Variants in TRHDE observed in about 807,000 individuals in gnomAD.
TRHDE encodes thyrotropin-releasing hormone-degrading ectoenzyme.
A neutral mutation model predicts 125.7 loss-of-function variants in TRHDE; 72 were observed. That is an observed-to-expected ratio of 0.57 (90% CI 0.47 to 0.70). The LOEUF (loss-of-function observed/expected upper bound fraction) is 0.70, where lower values mean the gene tolerates loss of function less well. Among genes scored for constraint, TRHDE ranks in the 30% least tolerant of loss-of-function variants. The pLI, the probability that TRHDE is intolerant of heterozygous loss-of-function variation, is 0.00. For synonymous variants in TRHDE, 509 were observed against 509.1 expected (o/e 1.00, Z 0.00); for missense variants, 1,110 against 1,327.1 (o/e 0.84, Z 2.54).
chr12:72,354,782 T>A (rs993460040), intron 2 of TRHDE, among the ~76,000 whole-genome samples: 1 of 150,898 alleles, frequency 6.6e-6, no homozygotes, highest in Non-Finnish European at 1.5e-5. Context: ...TCTCTGTGTG[T>A]GTGTATGTGT....
At chr12:72,446,469 G>A (rs1392967748) in intron 3 of TRHDE, among the ~76,000 whole-genome samples, 1 of 151,976 alleles carries the variant, frequency 6.6e-6, no homozygotes, top group Non-Finnish European at 1.5e-5. Context: ...AAAATAACCA[G>A]CCAACATCAT....
chr12:72,482,776 A>T (rs1277047231), intron 5 of TRHDE, among the ~76,000 whole-genome samples: 1 of 151,958 alleles, frequency 6.6e-6, no homozygotes, highest in Non-Finnish European at 1.5e-5. Context: ...CATTAATTAC[A>T]TTCTGTTCCT....
intron 1 of TRHDE, among the ~76,000 whole-genome samples, chr12:72,286,346 C>T (rs137869212): frequency 6.6e-6 from 1 of 152,302 alleles, no homozygotes; most frequent in African/African-American, 2.4e-5. Context: ...AAGTGAAGCA[C>T]ACTGAAAAGG....
chr12:72,616,177 C>A (rs546012345), intron 12 of TRHDE, among the ~76,000 whole-genome samples: 2 of 152,196 alleles, frequency 1.3e-5, no homozygotes, highest in African/African-American at 2.4e-5. Flanking sequence ...TTATTTAGAA[C>A]TTTTATCAGG....
chr12:72,491,327 G>A (rs1877673851), intron 5 of TRHDE, among the ~76,000 whole-genome samples: 1 of 151,806 alleles, frequency 6.6e-6, no homozygotes. Context: ...TACTGTGATT[G>A]ACATTATTTG....
chr12:72,368,882 T>C (rs1871452072), intron 2 of TRHDE, among the ~76,000 whole-genome samples: 1 of 152,148 alleles, frequency 6.6e-6, no homozygotes, highest in African/African-American at 2.4e-5. Context: ...ACCAGTGCTG[T>C]GTTTCCTACC....
intron 3 of TRHDE, among the ~76,000 whole-genome samples, chr12:72,379,479 A>G (rs1473399437): frequency 6.6e-6 from 1 of 152,188 alleles, no homozygotes; most frequent in South Asian, 2.1e-4. Context: ...CCTCATTTGC[A>G]TGGAAGGTGG....
intron 2 of TRHDE, among the ~76,000 whole-genome samples, chr12:72,108,601 T>A (rs1224682618): frequency 6.6e-6 from 1 of 152,064 alleles, no homozygotes; most frequent in African/African-American, 2.4e-5. Context: ...TTATGGTAAT[T>A]TGAATTAGAA....
At chr12:72,242,577 C>T (rs989852312) in intron 2 of TRHDE, among the ~76,000 whole-genome samples, 2 of 152,124 alleles carry the variant, frequency 1.3e-5, no homozygotes, top group African/African-American at 4.8e-5. Context: ...GACTCTCCTG[C>T]TTCTTGAGCG....
chr12:72,246,595 G>A (rs2139384173), intron 2 of TRHDE, among the ~76,000 whole-genome samples: 1 of 152,216 alleles, frequency 6.6e-6, no homozygotes, highest in South Asian at 2.1e-4. Context: ...CAGCTGACTC[G>A]CTTAACATAA....
At chr12:72,136,711 A>T (rs1346696496) in intron 2 of TRHDE, among the ~76,000 whole-genome samples, 1 of 152,230 alleles carries the variant, frequency 6.6e-6, no homozygotes, top group Non-Finnish European at 1.5e-5. Context: ...TTGAAGGGGA[A>T]TATGGAGCTG....
chr12:72,618,019 A>G (rs1191401818), intron 12 of TRHDE, among the ~76,000 whole-genome samples: 3 of 152,178 alleles, frequency 2.0e-5, no homozygotes, highest in Non-Finnish European at 2.9e-5. Flanking sequence ...ACATAGTGTC[A>G]CTATATGCCG....
chr12:72,167,153 G>A (rs1660473531), intron 2 of TRHDE, among the ~76,000 whole-genome samples: 1 of 152,098 alleles, frequency 6.6e-6, no homozygotes. Flanking sequence ...CACTTGTTAG[G>A]TGAGAGAGAA....
intron 3 of TRHDE, among the ~76,000 whole-genome samples, chr12:72,447,591 C>T (rs1875360100): frequency 6.6e-6 from 1 of 151,972 alleles, no homozygotes; most frequent in African/African-American, 2.4e-5. Context: ...TTATGAAACC[C>T]TGATGGTGAC....
intron 15 of TRHDE, among the ~76,000 whole-genome samples, chr12:72,646,484 C>T (rs1434945149): frequency 6.6e-6 from 1 of 151,894 alleles, no homozygotes; most frequent in Non-Finnish European, 1.5e-5. Flanking sequence ...AAATTCTTCC[C>T]TATCAATATT....
chr12:72,320,510 T>G (rs1279211438), intron 2 of TRHDE, among the ~76,000 whole-genome samples: 3 of 150,906 alleles, frequency 2.0e-5, no homozygotes, highest in African/African-American at 7.3e-5. Flanking sequence ...GGTTGAATCT[T>G]CAGATGTAGA....
At chr12:72,493,333 AT>A (rs1254729310) in intron 5 of TRHDE, among the ~76,000 whole-genome samples, 2 of 151,954 alleles carry the variant, frequency 1.3e-5, no homozygotes, top group African/African-American at 2.4e-5. Context: ...CTACATTTAT[AT>A]TTATATCTAT....
intron 2 of TRHDE, among the ~76,000 whole-genome samples, chr12:72,120,434 G>A (rs892918594): frequency 6.6e-6 from 1 of 151,618 alleles, no homozygotes; most frequent in Non-Finnish European, 1.5e-5. Flanking sequence ...CCTTTAATTT[G>A]ATCACCTTCC....
intron 3 of TRHDE, among the ~76,000 whole-genome samples, chr12:72,422,760 A>G (rs544261927): frequency 1.3e-5 from 2 of 152,244 alleles, no homozygotes; most frequent in South Asian, 4.1e-4. Flanking sequence ...TATGTCTTGA[A>G]AATGTAATCC....
Sources: gnomAD v4.1 joint callset for allele counts (sites outside exome capture counted in the v4.1 genomes callset) on GRCh38, gnomAD v4.1.1 for gene constraint, MANE v1.5 for transcripts, NCBI Gene and HGNC (gene_info 2026-07-23, HGNC 2026-07-21) for gene names.